ERLIN1: variants seen among roughly 807,000 people sequenced by gnomAD.
The protein encoded by ERLIN1 is ER lipid raft associated 1.
Under a neutral mutation model 46.9 loss-of-function variants are expected in ERLIN1, and 24 were observed. The ratio of observed to expected loss-of-function variants is 0.51; its 90% CI spans 0.37 to 0.72. The LOEUF is 0.72. ERLIN1 is among the 30% of genes least tolerant of loss of function. The probability of loss-of-function intolerance (pLI) is 0.00; values close to 1 mark genes in which losing one functional copy is unlikely to be tolerated. For synonymous variants in ERLIN1, 158 were observed against 143.2 expected (o/e 1.10, Z -0.74); for missense variants, 293 against 417.9 (o/e 0.70, Z 2.61).
chr10:100,155,098 C>T (rs866259886), intron 9 of ERLIN1, among the ~76,000 whole-genome samples, 159 bp from the exon 10 acceptor site: 11 of 152,186 alleles, frequency 7.2e-5, no homozygotes, highest in East Asian at 3.8e-4. Context: ...AACTTCTCTA[C>T]GAGGAATACT....
rs756860893 is a variant in ERLIN1, at chr10:100,183,862, C to G, written c.114-25G>C. On this transcript the variant is annotated intron_variant, in intron 1 of 10. Transcript: ENST00000421367. ...CCTGCAAAAAGATGTTTCAATTTGA[C>G]AAAATTATAAAAAGAAAAATTATCT... 5.8e-6 allele frequency: 9 copies of G among 1,550,110 alleles called. No homozygotes were observed. In the African/African-American group the frequency reaches 9.5e-5, roughly 16 times the overall value.
rs141752174 is a variant in ERLIN1, at chr10:100,163,262, T to C, written c.655+742A>G. Among the ~76,000 whole-genome samples the C allele has an allele frequency of 3.3e-5, 5 of 151,546 alleles. No individual in the cohort carries two copies. The East Asian group carries it at 9.7e-4, about 29-fold the overall frequency. On this transcript the variant is annotated intron_variant, in intron 8 of 10. Transcript: ENST00000421367. Reference sequence around the variant, plus strand: ...CACTTACAGTAAAAGTATAAAAATATGGACAGAAAGGATATACATCAACTT... The same window carrying C: ...CACTTACAGTAAAAGTATAAAAATACGGACAGAAAGGATATACATCAACTT...
At chr10:100,179,039 G>A (rs1264212791) in intron 3 of ERLIN1, among the ~76,000 whole-genome samples, 162 bp downstream of exon 3, 2 of 152,210 alleles carry the variant, frequency 1.3e-5, no homozygotes, top group Non-Finnish European at 2.9e-5. Flanking sequence ...AGATGGAAAA[G>A]CTCCTATTTG....
rs1190305817 is a variant in ERLIN1 at position 100,151,852 on chromosome 10, G to C, written c.*279C>G. 2 of 471,282 alleles carry C rather than the reference G, an allele frequency of 4.2e-6. No homozygotes were observed. Among genetic ancestry groups the C allele is most frequent in the Admixed American group, 6.6e-5 (2 of 30,166 alleles). 29.2% of individuals were successfully genotyped at this position (471,282 alleles called of 1,614,324 possible). A position where few individuals can be genotyped will look rare whatever the true frequency, so the allele number is the denominator to read the frequency against. On this transcript the variant is annotated 3_prime_UTR_variant, in exon 11 of 11. Coordinates refer to ENST00000421367, the MANE Select transcript of ERLIN1 (RefSeq NM_006459.4). ...TATATATTTAGTGTTTAACATTCCAGTGCAGGCAGTATCTTAGCATCAGAC... is the reference window on the plus strand; with the variant it reads ...TATATATTTAGTGTTTAACATTCCACTGCAGGCAGTATCTTAGCATCAGAC...
At chr10:100,157,032 C>T (rs1279573181) in intron 8 of ERLIN1, among the ~76,000 whole-genome samples, 1 of 151,038 alleles carries the variant, frequency 6.6e-6, no homozygotes, top group African/African-American at 2.4e-5. Context: ...AAAACAAAAA[C>T]AAAAAAAAGA....
At chr10:100,182,190 A>ATT (rs765187061) in intron 2 of ERLIN1, among the ~76,000 whole-genome samples, 10 of 127,146 alleles carry the variant, frequency 7.9e-5, no homozygotes, top group Non-Finnish European at 1.0e-4. Flanking sequence ...TAGAGCCTTG[A>ATT]TTTTTTTTTT....
rs1175734760 is a variant in ERLIN1, at chr10:100,156,234, T to C, written c.656A>G (p.Glu219Gly). The C allele has an allele frequency of 6.2e-7, 1 of 1,603,312 alleles. No individual in the cohort carries two copies. The highest frequency in any genetic ancestry group is 2.2e-5 in the East Asian group (1 of 44,830). The stretch of plus-strand genomic sequence containing the variant: ...TGCCACTTGTGCAATCTTCTCTGCT[T>C]CTATAATCATACAACATAAGAAGAC... ...AETERKKAVI[E>G]AEKIAQVAKI... The change falls in exon 9 of 11, where the codon GAA (glutamate) becomes GGA (glycine). Residue 219 changes from glutamate to glycine, a missense_variant and splice_region_variant. Glu to Gly is a moderately conservative substitution (Grantham distance 98, BLOSUM62 -2). Transcript: ENST00000421367.
At chr10:100,171,420 T>A (rs1843988609) in intron 6 of ERLIN1, among the ~76,000 whole-genome samples, 1 of 152,050 alleles carries the variant, frequency 6.6e-6, no homozygotes, top group South Asian at 2.1e-4. Context: ...ATTTATTTAT[T>A]TATTTATAGA....
Position 100,152,202 on chromosome 10 carries a change from A to G in ERLIN1, c.976T>C (p.Ser326Pro). 6.2e-7 allele frequency: 1 copy of G among 1,613,568 alleles called. No homozygotes were observed. The highest frequency in any genetic ancestry group is 8.5e-7 in the Non-Finnish European group (1 of 1,179,480). The change falls in exon 11 of 11, where the codon TCA becomes CCA. Residue 326 changes from serine (S) to proline (P), a missense_variant. This residue lies in a region of ERLIN1 where 69 missense variants were observed against 74.5 expected (regional missense o/e 0.93). Coordinates refer to ENST00000421367, the MANE Select transcript of ERLIN1 (RefSeq NM_006459.4). ...TCAAGAGCCTCCTTAGAGGGGAGTG[A>G]GCTTTCTCTTCCAGTCCTAATATCT... The part of the protein sequence containing the change: ...YSDIRTGRES[S>P]LPSKEALEPS...
chr10:100,183,698 G>A (rs1844790452), intron 2 of ERLIN1, 58 bp downstream of exon 2: 4 of 1,123,068 alleles, frequency 3.6e-6, no homozygotes, highest in Non-Finnish European at 4.0e-6. Flanking sequence ...CCACAAGTGT[G>A]GTAACTCCTG....
Position 100,183,749 on chromosome 10 carries a change from C to T in ERLIN1, c.195+7G>A. 1 of 1,597,368 alleles carries T rather than the reference C, an allele frequency of 6.3e-7. No homozygotes were observed. On this transcript the variant is annotated splice_region_variant and intron_variant, in intron 2 of 10. Coordinates refer to ENST00000421367, the MANE Select transcript of ERLIN1 (RefSeq NM_006459.4). ...TGGTATGGAGGCTTCCCCTAGGAAT[C>T]ACTCACCTGCACAGATCTGAACGTA... is the stretch of plus-strand genomic sequence containing the variant.
chr10:100,185,376 C>A, intron 1 of ERLIN1, 138 bp downstream of exon 1: 1 of 645,202 alleles, frequency 1.5e-6, no homozygotes, highest in South Asian at 1.9e-5. Flanking sequence ...CCGCAAAAGC[C>A]CGCTTCGACC....
intron 5 of ERLIN1, among the ~76,000 whole-genome samples, 195 bp downstream of exon 5, chr10:100,175,750 A>T (rs1380377194): frequency 6.6e-6 from 1 of 152,218 alleles, no homozygotes; most frequent in Non-Finnish European, 1.5e-5. Context: ...CAGTCTGAGT[A>T]GTTTTTCCAA....
In ERLIN1 at chr10:100,150,357, T is replaced by A. The variant is rs1189124875; in HGVS notation, c.*1774A>T. On this transcript the variant is annotated 3_prime_UTR_variant, in exon 11 of 11. Coordinates refer to ENST00000421367, the MANE Select transcript of ERLIN1 (RefSeq NM_006459.4). ...ACTTTGGGGCAACAGCTTTTGCTCA[T>A]GTAACTATAAAACATCTCTAGGAAT... 2 of 152,606 alleles carry A rather than the reference T, an allele frequency of 1.3e-5. No individual in the cohort carries two copies. The highest frequency in any genetic ancestry group is 6.6e-5 in the Admixed American group (1 of 15,266). 9.5% of individuals were successfully genotyped at this position (152,606 alleles called of 1,614,324 possible). A position where few individuals can be genotyped will look rare whatever the true frequency, so the allele number is the denominator to read the frequency against.
chr10:100,185,415 C>T, intron 1 of ERLIN1, 99 bp downstream of exon 1: 6 of 905,456 alleles, frequency 6.6e-6, no homozygotes, highest in Non-Finnish European at 1.1e-5. Context: ...ATGGGACATG[C>T]GCCCCCGAAC....
At chr10:100,169,115 A>ATGAG (rs1034943020) in intron 6 of ERLIN1, among the ~76,000 whole-genome samples, 1 of 152,226 alleles carries the variant, frequency 6.6e-6, no homozygotes, top group African/African-American at 2.4e-5. Context: ...TACAGATACC[A>ATGAG]TGAGTAAGTT....
At chr10:100,157,325 G>C (rs528212347) in intron 8 of ERLIN1, among the ~76,000 whole-genome samples, 1 of 152,280 alleles carries the variant, frequency 6.6e-6, no homozygotes, top group Admixed American at 6.5e-5. Context: ...ACAAGCATTG[G>C]GAGTGAACAT....
chr10:100,151,954 T>G lies in ERLIN1; in HGVS notation c.*177A>C. 1 of 669,526 alleles carries G rather than the reference T, an allele frequency of 1.5e-6. No homozygotes were observed. Among genetic ancestry groups the G allele is most frequent in the Non-Finnish European group, 2.7e-6 (1 of 366,402 alleles). 41.5% of individuals were successfully genotyped at this position (669,526 alleles called of 1,614,324 possible). A position where few individuals can be genotyped will look rare whatever the true frequency, so the allele number is the denominator to read the frequency against. On this transcript the variant is annotated 3_prime_UTR_variant, in exon 11 of 11. Transcript: ENST00000421367. ...ATAAGACTGTGGCTGAAAAGACCAT[T>G]TGTGTGTCAGACAGCTGGCTCTATC...
chr10:100,154,960 A>T, intron 9 of ERLIN1, 21 bp from the exon 10 acceptor site: 1 of 1,597,138 alleles, frequency 6.3e-7, no homozygotes, highest in Non-Finnish European at 8.6e-7. Context: ...AACAAAGGAA[A>T]GGTGTCAATC....
Sources: gnomAD v4.1 joint callset for allele counts (sites outside exome capture counted in the v4.1 genomes callset) on GRCh38, gnomAD v4.1.1 for gene constraint, gnomAD v4.1.1 regional missense constraint, MANE v1.5 for transcripts, NCBI Gene and HGNC (gene_info 2026-07-23, HGNC 2026-07-21) for gene names.